The following CPEB3 variants were observed in gnomAD, a reference collection of about 807,000 sequenced individuals.
CPEB3 encodes the protein cytoplasmic polyadenylation element binding protein 3.
Under a neutral mutation model 67.2 loss-of-function variants are expected in CPEB3, and 20 were observed. That is an observed-to-expected ratio of 0.30 (90% CI 0.21 to 0.43). The LOEUF (loss-of-function observed/expected upper bound fraction) is 0.43. Among genes scored for constraint, CPEB3 ranks in the 20% least tolerant of loss-of-function variants. CPEB3 has a pLI of 1.00. For missense variants in CPEB3, 746 were observed against 968.6 expected (o/e 0.77, Z 3.05); for synonymous variants, 376 against 393.1 (o/e 0.96, Z 0.51).
In CPEB3 at chr10:92,239,424, C is replaced by A; in HGVS notation, c.927G>T (p.Ala309=). 1 of 1,603,060 alleles carries A rather than the reference C, an allele frequency of 6.2e-7. No homozygotes were observed. The highest frequency in any genetic ancestry group is 1.7e-5 in the Admixed American group (1 of 58,260). Residue 309 remains alanine, a synonymous_variant, in exon 2 of 10, where the codon GCG becomes GCT. Transcript: ENST00000265997. This position sits in a 1 kb window ranked among gnomAD's most constrained non-coding sequence, Gnocchi z 6.0. ...TCCAGGACTTGGAAGTGAGAGGGGC[C>A]GCGCGAGGGAACTTGGGCGGCGCGA... The part of the protein sequence containing the change: ...NVIAPPKFPR[A]APLTSKSWME...
chr10:92,252,611 G>A (rs1357157084), intron 1 of CPEB3, among the ~76,000 whole-genome samples: 1 of 152,096 alleles, frequency 6.6e-6, no homozygotes, highest in Non-Finnish European at 1.5e-5. Flanking sequence ...ATAATGAATA[G>A]ATGCCAACTT....
Position 92,219,456 on chromosome 10 carries a change from C to T in CPEB3, c.1005+19890G>A, listed in dbSNP as rs1286470445. Among the ~76,000 whole-genome samples the T allele has an allele frequency of 3.3e-5, 5 of 152,284 alleles. No homozygotes were observed. In the East Asian group the frequency reaches 9.6e-4, roughly 29 times the overall value. On this transcript the variant is annotated intron_variant, in intron 2 of 9. Coordinates refer to ENST00000265997, the MANE Select transcript of CPEB3 (RefSeq NM_014912.5). ...TTGTATGCTTCAACCTTCCATTATA[C>T]CTCACAATGTGAAGGAATAAATTCA...
intron 2 of CPEB3, among the ~76,000 whole-genome samples, chr10:92,203,388 G>GTA (rs1047474036): frequency 1.9e-4 from 28 of 144,296 alleles, no homozygotes; most frequent in African/African-American, 6.6e-4. Flanking sequence ...ATATGTATGT[G>GTA]TATATATATA....
At chr10:92,098,032 A>G (rs932012433) in intron 7 of CPEB3, among the ~76,000 whole-genome samples, 1 of 151,458 alleles carries the variant, frequency 6.6e-6, no homozygotes. Flanking sequence ...ATGGTGGTGC[A>G]TGCCTGTAAT....
chr10:92,217,805 T>A (rs1272714486), intron 2 of CPEB3, among the ~76,000 whole-genome samples: 1 of 152,126 alleles, frequency 6.6e-6, no homozygotes. Flanking sequence ...TAACAACAAA[T>A]GATTATAAAT....
chr10:92,101,041 T>C (rs2133387059), intron 7 of CPEB3, among the ~76,000 whole-genome samples: 1 of 152,348 alleles, frequency 6.6e-6, no homozygotes, highest in Admixed American at 6.5e-5. Flanking sequence ...TCTCACTCTG[T>C]ATGGTCCCTT....
chr10:92,174,476 T>C (rs1392830577), intron 4 of CPEB3, among the ~76,000 whole-genome samples: 1 of 152,246 alleles, frequency 6.6e-6, no homozygotes, highest in East Asian at 1.9e-4. Flanking sequence ...GTATCAGCTA[T>C]GTATACATTG....
In CPEB3 at chr10:92,239,421, G is replaced by T. The variant is rs775098607; in HGVS notation, c.930C>A (p.Ala310=). The part of the protein sequence containing the change: ...VIAPPKFPRA[A]PLTSKSWMED... ...CCATCCAGGACTTGGAAGTGAGAGG[G>T]GCCGCGCGAGGGAACTTGGGCGGCG... is the stretch of plus-strand genomic sequence containing the variant. The change falls in exon 2 of 10, where the codon GCC becomes GCA. Residue 310 remains alanine (A), a synonymous_variant. Transcript: ENST00000265997. This position sits in a 1 kb window ranked among gnomAD's most constrained non-coding sequence, Gnocchi z 6.0. 3 of 1,602,982 alleles carry T rather than the reference G, an allele frequency of 1.9e-6. No homozygotes were observed. The highest frequency in any genetic ancestry group is 2.6e-6 in the Non-Finnish European group (3 of 1,174,604).
intron 9 of CPEB3, among the ~76,000 whole-genome samples, chr10:92,073,475 A>G (rs7093730): frequency 0.71 from 108,128 of 151,990 alleles, 38,659 homozygotes; most frequent in East Asian, 0.77. Flanking sequence ...CCAACGTGGC[A>G]AAACCCAGGT....
Position 92,165,100 on chromosome 10 carries a change from G to A in CPEB3, c.1222+15863C>T, listed in dbSNP as rs1409945474. The stretch of plus-strand genomic sequence containing the variant: ...TTTATATTATACTGTAGTCTATTAA[G>A]TGCACAGTAGCATTATGTCTTAAAA... On this transcript the variant is annotated intron_variant, in intron 4 of 9. Transcript: ENST00000265997. 2.6e-5 allele frequency among the ~76,000 whole-genome samples: 4 copies of A among 151,940 alleles called. No homozygotes were observed. The South Asian group carries it at 8.3e-4, about 32-fold the overall frequency.
chr10:92,145,143 A>C, intron 4 of CPEB3, 58 bp from the exon 5 acceptor site: 1 of 1,596,664 alleles, frequency 6.3e-7, no homozygotes, highest in Non-Finnish European at 8.6e-7. Context: ...TCTATAATTA[A>C]AATGATTTTC....
intron 2 of CPEB3, among the ~76,000 whole-genome samples, chr10:92,225,060 C>T (rs1850901841): frequency 6.6e-6 from 1 of 151,348 alleles, no homozygotes; most frequent in Non-Finnish European, 1.5e-5. Context: ...CTGCAACCTC[C>T]ACCTCCTGGG....
chr10:92,110,660 C>A (rs1844692880), intron 7 of CPEB3, among the ~76,000 whole-genome samples: 1 of 152,190 alleles, frequency 6.6e-6, no homozygotes, highest in South Asian at 2.1e-4. Flanking sequence ...GCTGTGGGTA[C>A]CACCCAGCAC....
chr10:92,255,107 T>TGTA (rs1852465146), intron 1 of CPEB3, among the ~76,000 whole-genome samples: 1 of 152,116 alleles, frequency 6.6e-6, no homozygotes, highest in Non-Finnish European at 1.5e-5. Flanking sequence ...CAAACTTACC[T>TGTA]GTATTCCCTT....
intron 8 of CPEB3, among the ~76,000 whole-genome samples, chr10:92,085,768 C>T (rs1412496744): frequency 1.3e-5 from 2 of 152,124 alleles, no homozygotes; most frequent in Non-Finnish European, 2.9e-5. Flanking sequence ...AGTCACCACG[C>T]CCAACTCATT....
chr10:92,271,540 C>G (rs1012349383), intron 1 of CPEB3, among the ~76,000 whole-genome samples: 1 of 152,124 alleles, frequency 6.6e-6, no homozygotes, highest in Admixed American at 6.6e-5. Context: ...TAGAATGACC[C>G]TCAATTTTGG....
chr10:92,148,103 A>C (rs1846776090), intron 4 of CPEB3, among the ~76,000 whole-genome samples: 1 of 152,126 alleles, frequency 6.6e-6, no homozygotes, highest in African/African-American at 2.4e-5. Context: ...TCAAACATTA[A>C]TTTGAACATG....
chr10:92,148,887 T>G (rs76880409), intron 4 of CPEB3, among the ~76,000 whole-genome samples: 2,423 of 150,786 alleles, frequency 0.016, 65 homozygotes, highest in African/African-American at 0.057. Flanking sequence ...AATTTAATAT[T>G]TATTCTAATA....
intron 4 of CPEB3, among the ~76,000 whole-genome samples, chr10:92,172,661 G>T (rs1179756168): frequency 6.6e-6 from 1 of 152,126 alleles, no homozygotes; most frequent in Non-Finnish European, 1.5e-5. Context: ...TAACAAACCT[G>T]CATATGTACC....
Sources: allele counts gnomAD v4.1 joint callset (sites outside exome capture counted in the v4.1 genomes callset), GRCh38; gene constraint gnomAD v4.1.1; non-coding constraint Gnocchi (gnomAD v3.1); transcripts MANE v1.5; gene names NCBI Gene and HGNC (gene_info 2026-07-23, HGNC 2026-07-21).